The following LRCH1 variants were observed in gnomAD, a reference collection of about 807,000 sequenced individuals.
The protein encoded by LRCH1 is leucine-rich repeat and calponin homology domain-containing protein 1.
LRCH1 carries 23 observed loss-of-function variants against 94.9 expected under a neutral mutation model. The ratio of observed to expected loss-of-function variants is 0.24; its 90% CI spans 0.17 to 0.34. The LOEUF (loss-of-function observed/expected upper bound fraction) is 0.34. Ranked by LOEUF, LRCH1 falls within the 10% of genes least tolerant of loss-of-function variation. The pLI is 1.00. For missense variants in LRCH1, 790 were observed against 945.9 expected (o/e 0.84, Z 2.16); for synonymous variants, 364 against 354.9 (o/e 1.03, Z -0.29).
intron 1 of LRCH1, among the ~76,000 whole-genome samples, chr13:46,593,973 C>T (rs535297064): frequency 6.6e-6 from 1 of 152,190 alleles, no homozygotes; most frequent in Admixed American, 6.5e-5. Flanking sequence ...AGTCTTAGGT[C>T]TATAGCCACT....
intron 1 of LRCH1, among the ~76,000 whole-genome samples, chr13:46,575,510 A>ATGTGTG (rs59582784): frequency 0.067 from 9,669 of 143,254 alleles, 431 homozygotes; most frequent in Middle Eastern, 0.12. Context: ...CTGTGCATGA[A>ATGTGTG]TGTGTGTGTG....
intron 1 of LRCH1, among the ~76,000 whole-genome samples, chr13:46,602,350 A>G (rs1341808111): frequency 1.3e-5 from 2 of 152,176 alleles, no homozygotes; most frequent in Non-Finnish European, 2.9e-5. Flanking sequence ...TGTCATGATT[A>G]CCACCCAGAA....
At chr13:46,568,248 C>T (rs1038662468) in intron 1 of LRCH1, among the ~76,000 whole-genome samples, 15 of 152,198 alleles carry the variant, frequency 9.9e-5, no homozygotes, top group African/African-American at 3.6e-4. Flanking sequence ...TTACCGGGGA[C>T]AGTCTGGGTT....
chr13:46,735,059 C>T (rs1409320143), intron 19 of LRCH1, among the ~76,000 whole-genome samples: 1 of 151,854 alleles, frequency 6.6e-6, no homozygotes, highest in African/African-American at 2.4e-5. Context: ...GTAGACTTCT[C>T]ATCTTATTTG....
intron 7 of LRCH1, among the ~76,000 whole-genome samples, chr13:46,691,188 G>T (rs979559356): frequency 6.6e-6 from 1 of 152,172 alleles, no homozygotes; most frequent in Non-Finnish European, 1.5e-5. Flanking sequence ...TTGAGATTTG[G>T]AAAGCTATTT....
intron 2 of LRCH1, among the ~76,000 whole-genome samples, chr13:46,665,924 GC>G (rs2051509075): frequency 6.6e-6 from 1 of 152,202 alleles, no homozygotes; most frequent in Admixed American, 6.5e-5. Flanking sequence ...AGGGAATGCA[GC>G]TTTTCCTCTC....
chr13:46,584,019 T>G (rs987377807), intron 1 of LRCH1, among the ~76,000 whole-genome samples: 3 of 151,772 alleles, frequency 2.0e-5, no homozygotes, highest in Admixed American at 2.0e-4. Context: ...TAGAATAATA[T>G]TTTCTCGATA....
At chr13:46,650,078 CA>C (rs894283241) in intron 1 of LRCH1, 122 bp from the exon 2 acceptor site, 1,345 of 589,568 alleles carry the variant, frequency 2.3e-3, no homozygotes, top group South Asian at 4.7e-3. Context: ...AACAGAGGTG[CA>C]AAAAAAAATG....
At chr13:46,582,370 C>CTTTTTTTTT (rs10686269) in intron 1 of LRCH1, among the ~76,000 whole-genome samples, 2 of 79,594 alleles carry the variant, frequency 2.5e-5, no homozygotes, top group African/African-American at 1.0e-4. Context: ...TTGCTCTCAT[C>CTTTTTTTTT]TTTTTTTTTT....
chr13:46,699,900 C>G (rs1339740861), intron 10 of LRCH1, among the ~76,000 whole-genome samples: 5 of 152,198 alleles, frequency 3.3e-5, no homozygotes, highest in African/African-American at 9.7e-5. Context: ...CTCATTTCAT[C>G]TTTACAACAC....
At chr13:46,582,844 CT>C (rs1306386386) in intron 1 of LRCH1, among the ~76,000 whole-genome samples, 1 of 151,260 alleles carries the variant, frequency 6.6e-6, no homozygotes, top group Non-Finnish European at 1.5e-5. Flanking sequence ...TGCTACCAAG[CT>C]CTTCACAGAG....
In LRCH1 at chr13:46,743,850, AC is replaced by A; in HGVS notation, c.*2003del. ...TCAGTGTTGATATAGTTCAATTAAA[AC>A]ATGTTAAAGACAAATTAAAAGACAT... On this transcript the variant is annotated 3_prime_UTR_variant, in exon 20 of 20. Coordinates refer to ENST00000389797, the MANE Select transcript of LRCH1 (RefSeq NM_001164211.2). 3.0e-6 allele frequency: 3 copies of A among 983,988 alleles called. No homozygotes were observed. Among genetic ancestry groups the A allele is most frequent in the Non-Finnish European group, 3.6e-6 (3 of 828,598 alleles). 61.0% of individuals were successfully genotyped at this position (983,988 alleles called of 1,614,324 possible).
chr13:46,561,522 T>G (rs2050129842), intron 1 of LRCH1, among the ~76,000 whole-genome samples: 1 of 152,186 alleles, frequency 6.6e-6, no homozygotes, highest in African/African-American at 2.4e-5. Context: ...CAGTGTGGTA[T>G]GTATAGCTTT....
chr13:46,714,226 T>C (rs948790165), intron 15 of LRCH1, among the ~76,000 whole-genome samples: 9 of 151,422 alleles, frequency 5.9e-5, no homozygotes, highest in Non-Finnish European at 1.2e-4. Context: ...AAATTGTTCT[T>C]GTTGTTGAAA....
intron 11 of LRCH1, among the ~76,000 whole-genome samples, chr13:46,704,758 C>T (rs989899139): frequency 2.0e-5 from 3 of 151,844 alleles, no homozygotes; most frequent in Admixed American, 1.3e-4. Context: ...TCTGTAAATT[C>T]ATAAAGTTCT....
chr13:46,706,410 T>C (rs1460267631), intron 13 of LRCH1, among the ~76,000 whole-genome samples: 1 of 152,216 alleles, frequency 6.6e-6, no homozygotes, highest in Non-Finnish European at 1.5e-5. Flanking sequence ...ACAGAATTAC[T>C]GTACCACCTC....
At chr13:46,576,126 C>T (rs899532926) in intron 1 of LRCH1, among the ~76,000 whole-genome samples, 4 of 152,142 alleles carry the variant, frequency 2.6e-5, no homozygotes, top group African/African-American at 4.8e-5. Context: ...GGCTTGCTGG[C>T]GACCAGGAGA....
At chr13:46,668,944 T>C in intron 2 of LRCH1, 86 bp from the exon 3 acceptor site, 1 of 1,444,668 alleles carries the variant, frequency 6.9e-7, no homozygotes. Context: ...GATCACTCCT[T>C]TTTCCTTTCT....
At chr13:46,723,190 A>AT in intron 16 of LRCH1, 31 bp from the exon 17 acceptor site, 1 of 1,338,284 alleles carries the variant, frequency 7.5e-7, no homozygotes, top group Admixed American at 1.8e-5. Context: ...AAGGCACTAT[A>AT]TAAAGGCTTT....
Sources: allele counts gnomAD v4.1 joint callset (sites outside exome capture counted in the v4.1 genomes callset), GRCh38; gene constraint gnomAD v4.1.1; transcripts MANE v1.5; gene names NCBI Gene and HGNC (gene_info 2026-07-23, HGNC 2026-07-21).